PRH1: variants seen among roughly 807,000 people sequenced by gnomAD.
The protein encoded by PRH1 is proline rich protein HaeIII subfamily 1.
A neutral mutation model predicts 7.9 loss-of-function variants in PRH1; 7 were observed. That is an observed-to-expected ratio of 0.89 (90% CI 0.50 to 1.67). The LOEUF (loss-of-function observed/expected upper bound fraction) is 1.67, where lower values mean the gene tolerates loss of function less well. Among genes scored for constraint, PRH1 ranks in the 40% most tolerant of loss-of-function variants. The probability of loss-of-function intolerance (pLI) is 0.00; values close to 1 mark genes in which losing one functional copy is unlikely to be tolerated. For missense variants in PRH1, 109 were observed against 223.6 expected, an observed-to-expected ratio of 0.49 and a Z score of 3.27; for synonymous variants, 45 against 80.8, an observed-to-expected ratio of 0.56 and a Z score of 2.38.
chr12:10,905,750 C>T (rs896060714), intron 2 of PRH1, among the ~76,000 whole-genome samples: 3 of 151,948 alleles, frequency 2.0e-5, no homozygotes, highest in Admixed American at 2.0e-4. Flanking sequence ...AAAATGAAAT[C>T]ATGTCCTTTG....
chr12:11,004,296 G>A (rs1940724388), intron 1 of PRH1, among the ~76,000 whole-genome samples: 3 of 151,964 alleles, frequency 2.0e-5, no homozygotes, highest in African/African-American at 7.2e-5. Flanking sequence ...GGAGTTCAAG[G>A]CCAGCCTGGC....
At chr12:11,022,113 C>T in intron 1 of PRH1, 2 of 1,613,806 alleles carry the variant, frequency 1.2e-6, no homozygotes, top group Non-Finnish European at 1.7e-6. Context: ...CTTTTGTCCA[C>T]ACTCTCTCAT....
intron 2 of PRH1, among the ~76,000 whole-genome samples, chr12:10,951,472 C>T (rs534347128): frequency 1.3e-5 from 2 of 152,150 alleles, no homozygotes; most frequent in Non-Finnish European, 2.9e-5. Context: ...AAGACATATA[C>T]ACCCATACAC....
chr12:10,972,871 A>G (rs1334262177), intron 2 of PRH1, among the ~76,000 whole-genome samples: 1 of 151,298 alleles, frequency 6.6e-6, no homozygotes, highest in Non-Finnish European at 1.5e-5. Flanking sequence ...GGTTGCTGCT[A>G]ATACCTCTGT....
At chr12:11,171,389 C>A (rs1947838957) in intron 1 of PRH1, 5 of 1,232,054 alleles carry the variant, frequency 4.1e-6, no homozygotes, top group South Asian at 8.2e-5. Flanking sequence ...CCTCCTTGGC[C>A]GTCAGGGCCT....
At chr12:11,009,287 C>A (rs1940966833) in intron 1 of PRH1, among the ~76,000 whole-genome samples, 1 of 151,880 alleles carries the variant, frequency 6.6e-6, no homozygotes, top group East Asian at 1.9e-4. Context: ...GAATGTGGCT[C>A]TTTTTAACAT....
At position 11,008,525 on chromosome 12, in the gene PRH1, T is replaced by A. The variant is rs140923321; in HGVS notation, c.-125-34804A>T. ...TGAGGTAAGCAATATCCATTATTTG[T>A]GATGATCATTTCCTTGATTTTCTTT... is the stretch of plus-strand genomic sequence containing the variant. On this transcript the variant is annotated intron_variant, in intron 1 of 3. Coordinates refer to the PRH1 transcript ENST00000539853. 2.3e-3 allele frequency among the ~76,000 whole-genome samples: 277 copies of A among 122,364 alleles called. 1 individual carries two copies. Among genetic ancestry groups the A allele is most frequent in the Middle Eastern group, 4.0e-3 (1 of 252 alleles). The allele number at this position is 122,364 out of a possible 152,430, so 80.3% of individuals were successfully genotyped here.
intron 1 of PRH1, chr12:10,986,494 T>A: frequency 6.2e-7 from 1 of 1,614,084 alleles, no homozygotes; most frequent in Non-Finnish European, 8.5e-7. Flanking sequence ...CTAACTCTCC[T>A]CTTTAAATGA....
intron 1 of PRH1, among the ~76,000 whole-genome samples, chr12:11,057,888 A>G (rs74413754): frequency 0.019 from 2,048 of 107,324 alleles, no homozygotes; most frequent in South Asian, 0.026. Flanking sequence ...TTATGTCAGG[A>G]CTATGTCACT....
chr12:11,116,195 AAGC>A (rs1483536170), downstream of PRH1, among the ~76,000 whole-genome samples: 2 of 152,080 alleles, frequency 1.3e-5, no homozygotes, highest in East Asian at 3.9e-4. Flanking sequence ...TCAGACATGA[AAGC>A]AGAGATATTA....
At chr12:11,043,356 T>C (rs921798381) in intron 1 of PRH1, among the ~76,000 whole-genome samples, 7 of 152,238 alleles carry the variant, frequency 4.6e-5, no homozygotes, top group Admixed American at 4.6e-4. Flanking sequence ...TGGGAAAAAC[T>C]AAAAGACTTT....
chr12:11,047,560 C>G (rs920491675), upstream of PRH1, among the ~76,000 whole-genome samples: 1 of 121,066 alleles, frequency 8.3e-6, no homozygotes, highest in Non-Finnish European at 1.9e-5. Context: ...GAAGAAACAA[C>G]TTTTCTAACT....
chr12:11,163,833 C>G (rs1947488940), intron 1 of PRH1, among the ~76,000 whole-genome samples: 2 of 152,110 alleles, frequency 1.3e-5, no homozygotes, highest in African/African-American at 4.8e-5. Flanking sequence ...TTTCTAAAAT[C>G]TCACATTTGC....
At chr12:11,141,851 G>A (rs970519306) in intron 1 of PRH1, among the ~76,000 whole-genome samples, 1 of 152,168 alleles carries the variant, frequency 6.6e-6, no homozygotes, top group Non-Finnish European at 1.5e-5. Flanking sequence ...GCAGTGGCTT[G>A]ATTACAGCTC....
intron 1 of PRH1, among the ~76,000 whole-genome samples, chr12:11,123,662 G>T (rs932592272): frequency 1.1e-4 from 16 of 151,850 alleles, no homozygotes; most frequent in African/African-American, 3.6e-4. Flanking sequence ...AACTCCAGAA[G>T]TATGTTACAT....
intron 1 of PRH1, among the ~76,000 whole-genome samples, chr12:10,977,101 A>T (rs948109808): frequency 6.6e-6 from 1 of 152,178 alleles, no homozygotes; most frequent in Admixed American, 6.5e-5. Context: ...AACTTTTCAG[A>T]GACACAACAA....
rs184525982 is a variant in PRH1 at position 10,962,962 on chromosome 12, G to A, written c.-59+10693C>T. Among the ~76,000 whole-genome samples, 288 of 152,304 alleles carry A rather than the reference G, an allele frequency of 1.9e-3. 1 individual carries two copies. The highest frequency in any genetic ancestry group is 6.6e-3 in the African/African-American group (275 of 41,552). Reference sequence around the variant, plus strand: ...TTTTTTTGTATTTTTAGCAGAGACCGGGTTTCACAGCGTTAGCCAGGACGG... The same window carrying A: ...TTTTTTTGTATTTTTAGCAGAGACCAGGTTTCACAGCGTTAGCCAGGACGG... On this transcript the variant is annotated intron_variant, in intron 2 of 3. Coordinates refer to the PRH1 transcript ENST00000539853.
At chr12:10,918,442 A>G (rs1042756894) in intron 2 of PRH1, among the ~76,000 whole-genome samples, 1 of 152,196 alleles carries the variant, frequency 6.6e-6, no homozygotes, top group Non-Finnish European at 1.5e-5. Context: ...TAAATTATCC[A>G]ACTTCAGGTA....
In PRH1 at chr12:11,079,708, T is replaced by C. The variant is rs1290279647; in HGVS notation, n.124-32520A>G. 1.7e-5 allele frequency among the ~76,000 whole-genome samples: 2 copies of C among 117,408 alleles called. 1 individual carries two copies. Among genetic ancestry groups the C allele is most frequent in the Non-Finnish European group, 4.0e-5 (2 of 49,454 alleles). 77.0% of individuals were successfully genotyped at this position (117,408 alleles called of 152,430 possible). A position where few individuals can be genotyped will look rare whatever the true frequency, so the allele number is the denominator to read the frequency against. ...AATGTCAAAGTTTTGTCACATGAAG[T>C]GGATAATTAAACCTAAAAGAAAAAC... On this transcript the variant is annotated intron_variant and non_coding_transcript_variant, in intron 1 of 4. Transcript: ENST00000541977.
Sources: allele counts gnomAD v4.1 joint callset (sites outside exome capture counted in the v4.1 genomes callset), GRCh38; gene constraint gnomAD v4.1.1; transcripts MANE v1.5; gene names NCBI Gene and HGNC (gene_info 2026-07-23, HGNC 2026-07-21).